The following RNGTT variants were observed in gnomAD, a reference collection of about 807,000 sequenced individuals.
The protein encoded by RNGTT is RNA guanylyltransferase and 5'-phosphatase, also known as mRNA-capping enzyme.
A neutral mutation model predicts 79.3 loss-of-function variants in RNGTT; 33 were observed. The observed-to-expected ratio is 0.42, with a 90% confidence interval of 0.32 to 0.56. The LOEUF is 0.56. Ranked by LOEUF, RNGTT falls within the 20% of genes least tolerant of loss-of-function variation. RNGTT has a pLI of 0.17. For missense variants in RNGTT, 497 were observed against 739.1 expected, an observed-to-expected ratio of 0.67 and a Z score of 3.80; for synonymous variants, 222 against 235.9, an observed-to-expected ratio of 0.94 and a Z score of 0.54.
chr6:88,839,926 C>T (rs1159224798), intron 11 of RNGTT, among the ~76,000 whole-genome samples: 3 of 152,028 alleles, frequency 2.0e-5, no homozygotes, highest in Non-Finnish European at 4.4e-5. Flanking sequence ...TTTAACAGAT[C>T]AAATTAAACA....
chr6:88,768,139 A>AGTGT lies in RNGTT; in HGVS notation c.1439+1631_1439+1634dup, dbSNP rs71021394. Among the ~76,000 whole-genome samples the AGTGT allele has an allele frequency of 3.6e-3, 535 of 148,894 alleles. 3 individuals are homozygous for AGTGT. The highest frequency in any genetic ancestry group is 0.012 in the African/African-American group (481 of 40,674). The stretch of plus-strand genomic sequence containing the variant: ...AATTAAGCCACAAACATTTAGGGAT[A>AGTGT]GTGTGTGTGTGTGTGTGTGTGTTTC... On this transcript the variant is annotated intron_variant, in intron 13 of 15. Transcript: ENST00000369485.
intron 4 of RNGTT, among the ~76,000 whole-genome samples, chr6:88,918,573 A>G (rs1443525169): frequency 6.6e-6 from 1 of 152,230 alleles, no homozygotes; most frequent in Non-Finnish European, 1.5e-5. Flanking sequence ...TAGAAACGAT[A>G]TAAGTGAAAT....
At chr6:88,844,609 G>C in intron 10 of RNGTT, 88 bp from the exon 11 acceptor site, 1 of 1,261,874 alleles carries the variant, frequency 7.9e-7, no homozygotes, top group Non-Finnish European at 1.1e-6. Flanking sequence ...GTACATAATA[G>C]TCTGTGTAAA....
At chr6:88,691,383 G>C (rs1254181235) in intron 13 of RNGTT, among the ~76,000 whole-genome samples, 6 of 151,974 alleles carry the variant, frequency 3.9e-5, no homozygotes, top group African/African-American at 1.2e-4. Flanking sequence ...AAATTACCCA[G>C]TCTTAGGTAG....
At chr6:88,898,489 C>G (rs941786910) in intron 6 of RNGTT, among the ~76,000 whole-genome samples, 2 of 151,906 alleles carry the variant, frequency 1.3e-5, no homozygotes, top group South Asian at 4.2e-4. Context: ...TGTTCCTCTT[C>G]TTAATAGCCT....
At chr6:88,875,839 C>T (rs2127923984) in intron 8 of RNGTT, among the ~76,000 whole-genome samples, 1 of 152,222 alleles carries the variant, frequency 6.6e-6, no homozygotes, top group African/African-American at 2.4e-5. Context: ...ATTCATTTTC[C>T]TTTAATTTTT....
At chr6:88,922,633 T>C (rs1314912450) in intron 4 of RNGTT, among the ~76,000 whole-genome samples, 2 of 151,866 alleles carry the variant, frequency 1.3e-5, no homozygotes, top group African/African-American at 4.8e-5. Context: ...GTTCATGCTA[T>C]TCTCCTGCCT....
chr6:88,735,962 G>GCATA (rs1289887654), intron 13 of RNGTT, among the ~76,000 whole-genome samples: 8 of 151,804 alleles, frequency 5.3e-5, no homozygotes, highest in Non-Finnish European at 8.8e-5. Context: ...AAAACAGAAG[G>GCATA]CATACATTTA....
intron 14 of RNGTT, among the ~76,000 whole-genome samples, chr6:88,623,049 A>G (rs912958441): frequency 3.9e-5 from 6 of 152,110 alleles, no homozygotes; most frequent in Admixed American, 6.6e-5. Context: ...TATTTAAGCT[A>G]AGACCCATAG....
chr6:88,626,612 C>G (rs1772642483), intron 14 of RNGTT, among the ~76,000 whole-genome samples: 1 of 152,052 alleles, frequency 6.6e-6, no homozygotes, highest in African/African-American at 2.4e-5. Context: ...GTCATTCTGA[C>G]TGCATCATCT....
chr6:88,665,211 G>A (rs1243123920), intron 14 of RNGTT, among the ~76,000 whole-genome samples: 1 of 152,158 alleles, frequency 6.6e-6, no homozygotes, highest in Non-Finnish European at 1.5e-5. Context: ...GCCAGCTCTG[G>A]CCCAGTGGTG....
chr6:88,679,221 A>G (rs921444258), intron 13 of RNGTT, among the ~76,000 whole-genome samples: 8 of 152,240 alleles, frequency 5.3e-5, no homozygotes, highest in African/African-American at 9.6e-5. Context: ...AATAAGGGGT[A>G]TAACAGAGAA....
chr6:88,933,070 C>G (rs1784557995), intron 2 of RNGTT, among the ~76,000 whole-genome samples: 1 of 152,126 alleles, frequency 6.6e-6, no homozygotes, highest in Non-Finnish European at 1.5e-5. Flanking sequence ...CTCCCTCCCT[C>G]TTTCCCCCTT....
chr6:88,798,187 G>A (rs186793384), intron 12 of RNGTT, among the ~76,000 whole-genome samples: 4 of 151,970 alleles, frequency 2.6e-5, no homozygotes, highest in African/African-American at 4.8e-5. Context: ...AAAATTGGCC[G>A]GGTACAGTGG....
chr6:88,952,883 C>T (rs1431488567), intron 1 of RNGTT, among the ~76,000 whole-genome samples: 2 of 152,162 alleles, frequency 1.3e-5, no homozygotes, highest in African/African-American at 2.4e-5. Flanking sequence ...ACCAATCCAG[C>T]TCTCAGGAAG....
rs72458928 is a variant in RNGTT, at chr6:88,625,758, CAA to C, written c.1507-11365_1507-11364del. ...AAGGTGAATAAAAACAAAAATAATACAAAAAAAACAAGAAACAGGTCAGTTAA... is the reference window on the plus strand; with the variant it reads ...AAGGTGAATAAAAACAAAAATAATACAAAAAACAAGAAACAGGTCAGTTAA... On this transcript the variant is annotated intron_variant, in intron 14 of 15. Transcript: ENST00000369485. 2.0e-5 allele frequency among the ~76,000 whole-genome samples: 3 copies of C among 150,852 alleles called. No individual in the cohort carries two copies. The East Asian group carries it at 5.8e-4, about 29-fold the overall frequency.
At chr6:88,824,655 G>T (rs1309925907) in intron 11 of RNGTT, among the ~76,000 whole-genome samples, 3 of 151,920 alleles carry the variant, frequency 2.0e-5, no homozygotes, top group East Asian at 1.9e-4. Context: ...CTTATAGAAA[G>T]TTCCGTTGGA....
At chr6:88,895,231 G>GTGTA (rs1415968243) in intron 6 of RNGTT, among the ~76,000 whole-genome samples, 1 of 57,466 alleles carries the variant, frequency 1.7e-5, no homozygotes, top group Non-Finnish European at 3.2e-5. Flanking sequence ...AGAGAGCTCT[G>GTGTA]TGTGTGTGTG....
intron 14 of RNGTT, among the ~76,000 whole-genome samples, chr6:88,658,111 A>C (rs943308332): frequency 6.6e-6 from 1 of 152,142 alleles, no homozygotes; most frequent in African/African-American, 2.4e-5. Flanking sequence ...GGTCTCTTGA[A>C]AGCGCCACCT....
Sources: gnomAD v4.1 joint callset for allele counts (sites outside exome capture counted in the v4.1 genomes callset) on GRCh38, gnomAD v4.1.1 for gene constraint, MANE v1.5 for transcripts, NCBI Gene and HGNC (gene_info 2026-07-23, HGNC 2026-07-21) for gene names.